Variants in PAX7 observed in about 807,000 individuals in gnomAD.
PAX7 encodes paired box protein Pax-7.
In PAX7, 18 loss-of-function variants were observed where a neutral mutation model predicts 50.7. The observed-to-expected ratio is 0.36, with a 90% CI of 0.25 to 0.53. The LOEUF (loss-of-function observed/expected upper bound fraction) is 0.53, where lower values mean the gene tolerates loss of function less well. Ranked by LOEUF, PAX7 falls within the 20% of genes least tolerant of loss-of-function variation. The probability of loss-of-function intolerance (pLI) is 0.93; values close to 1 mark genes in which losing one functional copy is unlikely to be tolerated. For synonymous variants in PAX7, 310 were observed against 290.4 expected (o/e 1.07, Z -0.69); for missense variants, 644 against 702.9 (o/e 0.92, Z 0.95).
chr1:18,665,599 T>A (rs1471195908), intron 4 of PAX7, among the ~76,000 whole-genome samples: 8 of 151,752 alleles, frequency 5.3e-5, no homozygotes, highest in Admixed American at 4.6e-4. Flanking sequence ...GGTCTCCATC[T>A]CTTGACCTCG....
rs567376690 is a variant in PAX7, at chr1:18,732,972, G to C, written c.1156-2660G>C. On this transcript the variant is annotated intron_variant, in intron 7 of 8. Coordinates refer to ENST00000420770, the MANE Select transcript of PAX7 (RefSeq NM_001135254.2). ...CTGTCCTTCTGAAAGAAGTGATCTG[G>C]AGCCTGAGTGTTTTTTCTGAGCCTC... 3.3e-5 allele frequency among the ~76,000 whole-genome samples: 5 copies of C among 152,230 alleles called. No homozygotes were observed. In the East Asian group the frequency reaches 9.7e-4, roughly 29 times the overall value.
rs1388441500 is a variant in PAX7 at position 18,735,739 on chromosome 1, C to T, written c.1263C>T (p.Ala421=). 3 of 1,613,950 alleles carry T rather than the reference C, an allele frequency of 1.9e-6. No homozygotes were observed. Among genetic ancestry groups the T allele is most frequent in the Non-Finnish European group, 2.5e-6 (3 of 1,179,996 alleles). Residue 421 remains alanine (A), a synonymous_variant, in exon 8 of 9, where the codon GCC becomes GCT. Transcript: ENST00000420770. This position sits in a 1 kb window ranked among gnomAD's most constrained non-coding sequence, Gnocchi z 4.0. ...TGGACTCGGCCACCTCCATCTCAGC[C>T]AGCTGCAGCCAGCGGGCCGACTCCA... The part of the protein sequence containing the change: ...GGLDSATSIS[A]SCSQRADSIK...
chr1:18,691,725 C>A, intron 4 of PAX7, 29 bp from the exon 5 acceptor site: 1 of 1,549,862 alleles, frequency 6.5e-7, no homozygotes, highest in Non-Finnish European at 8.7e-7. Flanking sequence ...TAAGCCCCTG[C>A]CTTCTCCCTC....
intron 7 of PAX7, among the ~76,000 whole-genome samples, chr1:18,713,863 A>G (rs570666115): frequency 6.6e-6 from 1 of 152,274 alleles, no homozygotes; most frequent in South Asian, 2.1e-4. Flanking sequence ...AACAGTCACT[A>G]ATTTAGGCAC....
intron 7 of PAX7, among the ~76,000 whole-genome samples, chr1:18,706,818 C>CA (rs1246613718): frequency 6.6e-6 from 1 of 152,122 alleles, no homozygotes; most frequent in African/African-American, 2.4e-5. Context: ...AAGGGGCTTA[C>CA]ACTGGAGGAT....
chr1:18,637,252 C>G (rs1391296276), intron 4 of PAX7, among the ~76,000 whole-genome samples: 1 of 152,158 alleles, frequency 6.6e-6, no homozygotes, highest in African/African-American at 2.4e-5. Flanking sequence ...GAAAGTTTTT[C>G]CTCATTACCC....
chr1:18,637,851 A>C (rs2088187384), intron 4 of PAX7, among the ~76,000 whole-genome samples: 1 of 152,222 alleles, frequency 6.6e-6, no homozygotes, highest in African/African-American at 2.4e-5. Context: ...AAAGGGAGCC[A>C]GCTGTGCCGG....
chr1:18,732,167 C>T (rs1159475681), intron 7 of PAX7, among the ~76,000 whole-genome samples: 2 of 152,166 alleles, frequency 1.3e-5, no homozygotes, highest in Non-Finnish European at 2.9e-5. Flanking sequence ...CACATAGCCC[C>T]TTATTTTTCC....
chr1:18,650,447 A>T (rs993785980), intron 4 of PAX7, among the ~76,000 whole-genome samples: 2 of 152,136 alleles, frequency 1.3e-5, no homozygotes, highest in African/African-American at 4.8e-5. Flanking sequence ...CCATCCTGGG[A>T]TGGTGCTGGA....
At chr1:18,742,148 CTTTTTTTT>C (rs61248648) in intron 8 of PAX7, among the ~76,000 whole-genome samples, 1 of 103,556 alleles carries the variant, frequency 9.7e-6, no homozygotes, top group African/African-American at 4.0e-5. Context: ...AATGAGGCTT[CTTTTTTTT>C]TTTTTTTTTT....
rs1228411993 is a variant in PAX7, at chr1:18,634,014, G to A, written c.86-289G>A. ...TTCTTAGCAGCATTCGAATCCCCCA[G>A]GTGTGTCCTCATCCCTCGTAGTGTG... On this transcript the variant is annotated intron_variant, in intron 1 of 8. Coordinates refer to ENST00000420770, the MANE Select transcript of PAX7 (RefSeq NM_001135254.2). This position sits in a 1 kb window ranked among gnomAD's most constrained non-coding sequence, Gnocchi z 4.0. Among the ~76,000 whole-genome samples, 1 of 152,288 alleles carries A rather than the reference G, an allele frequency of 6.6e-6. No individual in the cohort carries two copies.
At chr1:18,677,647 AG>A (rs987254817) in intron 4 of PAX7, among the ~76,000 whole-genome samples, 10 of 152,242 alleles carry the variant, frequency 6.6e-5, no homozygotes, top group African/African-American at 2.4e-4. Flanking sequence ...ATAACTCTGG[AG>A]GGAAAAGAAA....
intron 7 of PAX7, among the ~76,000 whole-genome samples, chr1:18,708,310 C>A (rs1471695427): frequency 2.0e-5 from 3 of 152,076 alleles, no homozygotes; most frequent in African/African-American, 7.2e-5. Context: ...AGTCCCAGCA[C>A]TTTGGGAGGC....
At chr1:18,681,530 T>C (rs144286423) in intron 4 of PAX7, among the ~76,000 whole-genome samples, 66 of 152,172 alleles carry the variant, frequency 4.3e-4, no homozygotes, top group Non-Finnish European at 7.8e-4. Context: ...ACTTCCTTCT[T>C]CCTAGAAAGG....
At chr1:18,639,523 A>G (rs1272136361) in intron 4 of PAX7, among the ~76,000 whole-genome samples, 1 of 152,088 alleles carries the variant, frequency 6.6e-6, no homozygotes, top group Non-Finnish European at 1.5e-5. Flanking sequence ...GGAAGTGGAC[A>G]GTTCCTTGCC....
intron 4 of PAX7, among the ~76,000 whole-genome samples, chr1:18,683,591 G>C (rs575190730): frequency 6.6e-6 from 1 of 152,330 alleles, no homozygotes; most frequent in Admixed American, 6.5e-5. Context: ...TGTAATCCCA[G>C]CACTGTGGGA....
intron 5 of PAX7, among the ~76,000 whole-genome samples, chr1:18,694,505 TAAATATAA>T (rs1281753360): frequency 6.9e-6 from 1 of 144,346 alleles, no homozygotes; most frequent in East Asian, 2.0e-4. Context: ...AATAAATAAA[TAAATATAA>T]AATAAAATAA....
chr1:18,705,694 G>A (rs894730461), intron 7 of PAX7, among the ~76,000 whole-genome samples: 4 of 152,214 alleles, frequency 2.6e-5, no homozygotes, highest in African/African-American at 9.6e-5. Flanking sequence ...AGTGGATCAA[G>A]GGGAAGTATC....
intron 7 of PAX7, among the ~76,000 whole-genome samples, chr1:18,704,574 T>G (rs994918595): frequency 6.6e-6 from 1 of 151,972 alleles, no homozygotes; most frequent in African/African-American, 2.4e-5. Context: ...GAGCCAAGAT[T>G]GCACCATTGC....
Sources: allele counts gnomAD v4.1 joint callset (sites outside exome capture counted in the v4.1 genomes callset), GRCh38; gene constraint gnomAD v4.1.1; non-coding constraint Gnocchi (gnomAD v3.1); transcripts MANE v1.5; gene names NCBI Gene and HGNC (gene_info 2026-07-23, HGNC 2026-07-21).